The following FIBCD1 variants were observed in gnomAD, a reference collection of about 807,000 sequenced individuals.
FIBCD1 encodes fibrinogen C domain-containing protein 1.
Under a neutral mutation model 45.1 loss-of-function variants are expected in FIBCD1, and 47 were observed. That is an observed-to-expected ratio of 1.04 (90% CI 0.82 to 1.33). The LOEUF (loss-of-function observed/expected upper bound fraction) is 1.33. FIBCD1 is among the 40% of genes most tolerant of loss of function. FIBCD1 has a pLI of 0.00. For synonymous variants in FIBCD1, 313 were observed against 308.1 expected (o/e 1.02, Z -0.17); for missense variants, 653 against 682.2 (o/e 0.96, Z 0.48).
intron 5 of FIBCD1, among the ~76,000 whole-genome samples, chr9:130,906,866 TG>T: frequency 6.6e-6 from 1 of 152,216 alleles, no homozygotes; most frequent in Non-Finnish European, 1.5e-5. Flanking sequence ...CTGGCAGGGC[TG>T]GCCCGCTGCA....
rs1379562293 is a variant in FIBCD1 at position 130,905,376 on chromosome 9, G to A, written c.984C>T (p.Ala328=). ...CCTCCAGGTCCACGTGCAGCTCGTA[G>A]GCAGCCTGTGTGGTCAGGGCGTGGA... ...KRIHALTTQA[A]YELHVDLEDF... Residue 328 remains alanine (A), a synonymous_variant, in exon 6 of 7, where the codon GCC becomes GCT. Transcript: ENST00000372338. 1.2e-6 allele frequency: 2 copies of A among 1,613,888 alleles called. No homozygotes were observed. The highest frequency in any genetic ancestry group is 4.5e-5 in the East Asian group (2 of 44,884).
intron 1 of FIBCD1, among the ~76,000 whole-genome samples, chr9:130,937,445 G>A (rs773701960): frequency 3.9e-5 from 6 of 152,174 alleles, no homozygotes; most frequent in Non-Finnish European, 8.8e-5. Context: ...CCGATGAATG[G>A]GAAGGGGCTT....
intron 5 of FIBCD1, among the ~76,000 whole-genome samples, chr9:130,906,734 C>T (rs1370745707): frequency 6.6e-6 from 1 of 152,230 alleles, no homozygotes; most frequent in Non-Finnish European, 1.5e-5. Context: ...ATCATGACAA[C>T]AGCCGCCACC....
intron 5 of FIBCD1, among the ~76,000 whole-genome samples, chr9:130,907,944 A>G (rs1776800570): frequency 6.6e-6 from 1 of 151,352 alleles, no homozygotes; most frequent in Non-Finnish European, 1.5e-5. Flanking sequence ...AAGAAAAAAT[A>G]GAGGAGACTT....
chr9:130,907,078 G>A (rs905835365), intron 5 of FIBCD1, among the ~76,000 whole-genome samples: 2 of 152,202 alleles, frequency 1.3e-5, no homozygotes, highest in Non-Finnish European at 2.9e-5. Context: ...ACCTTACCCA[G>A]AACAAATCAG....
intron 1 of FIBCD1, among the ~76,000 whole-genome samples, chr9:130,931,705 G>C (rs986417262): frequency 1.3e-5 from 2 of 152,222 alleles, no homozygotes; most frequent in Admixed American, 6.5e-5. Context: ...ACACACAAGG[G>C]AAAACTGAGG....
intron 5 of FIBCD1, among the ~76,000 whole-genome samples, chr9:130,910,157 G>T (rs1317867705): frequency 6.6e-6 from 1 of 152,232 alleles, no homozygotes; most frequent in Non-Finnish European, 1.5e-5. Context: ...TGCGTGCGGC[G>T]CTTGCGGGCC....
chr9:130,912,865 C>T (rs1317813676), intron 4 of FIBCD1, among the ~76,000 whole-genome samples: 1 of 152,022 alleles, frequency 6.6e-6, no homozygotes, highest in Non-Finnish European at 1.5e-5. Context: ...GTCTATCCTC[C>T]AGTTTTTAAG....
intron 4 of FIBCD1, among the ~76,000 whole-genome samples, chr9:130,915,626 C>A (rs1294035461): frequency 6.6e-6 from 1 of 152,136 alleles, no homozygotes; most frequent in Non-Finnish European, 1.5e-5. Flanking sequence ...TCACTTGAAC[C>A]CAGGAGGCGT....
intron 2 of FIBCD1, among the ~76,000 whole-genome samples, chr9:130,928,999 C>A (rs995495875): frequency 1.3e-5 from 2 of 151,610 alleles, no homozygotes; most frequent in Non-Finnish European, 2.9e-5. Context: ...TGGAGCCTGG[C>A]TTGGCTGGGG....
intron 4 of FIBCD1, 30 bp from the exon 5 acceptor site, chr9:130,911,918 G>A (rs762983731): frequency 7.1e-6 from 11 of 1,544,524 alleles, no homozygotes; most frequent in Non-Finnish European, 9.6e-6. Context: ...ATGGGGCGTT[G>A]GCACCGACCA....
At chr9:130,939,970 C>G (rs1832594108), upstream of FIBCD1, among the ~76,000 whole-genome samples, 1 of 152,038 alleles carries the variant, frequency 6.6e-6, no homozygotes, top group Non-Finnish European at 1.5e-5. Context: ...TTCTGCGTCC[C>G]CATCTTTTTC....
chr9:130,904,243 C>T lies in FIBCD1; in HGVS notation c.1207G>A (p.Ala403Thr), dbSNP rs1019642247. The T allele has an allele frequency of 9.9e-6, 16 of 1,613,644 alleles. No individual in the cohort carries two copies. Among genetic ancestry groups the T allele is most frequent in the Middle Eastern group, 1.6e-4 (1 of 6,084 alleles). Residue 403 changes from alanine (A) to threonine (T), a missense_variant, in exon 7 of 7, where the codon GCC (alanine) becomes ACC (threonine). By Grantham distance (58) the Ala-to-Thr change is moderately conservative (BLOSUM62 0). Coordinates refer to ENST00000372338, the MANE Select transcript of FIBCD1 (RefSeq NM_032843.5). ...DSDHSENNCA[A>T]FYRGAWWYRN... is the part of the protein sequence containing the mutation. ...TACCACCAGGCACCGCGGTAGAAGG[C>T]GGCACAGTTGTTCTCTGAATGGTCG... is the stretch of plus-strand genomic sequence containing the variant.
At chr9:130,931,327 G>T (rs1431475743) in intron 1 of FIBCD1, among the ~76,000 whole-genome samples, 2 of 152,168 alleles carry the variant, frequency 1.3e-5, no homozygotes, top group Admixed American at 6.5e-5. Flanking sequence ...GGCCAACAAG[G>T]TGAAACCCCA....
At position 130,933,138 on chromosome 9, in the gene FIBCD1, C is replaced by T. The variant is rs1250032180; in HGVS notation, c.73-3092G>A. Among the ~76,000 whole-genome samples the T allele has an allele frequency of 6.6e-5, 10 of 152,292 alleles. No homozygotes were observed. The East Asian group carries it at 1.5e-3, about 23-fold the overall frequency. ...GGGTCCCCTAGAGGCAGGGGGACAG[C>T]GGAGCTTGGAGATGAAACAGGGCAC... On this transcript the variant is annotated intron_variant, in intron 1 of 6. Transcript: ENST00000372338.
intron 3 of FIBCD1, 23 bp from the exon 4 acceptor site, chr9:130,923,903 G>T: frequency 6.2e-7 from 1 of 1,611,566 alleles, no homozygotes; most frequent in Non-Finnish European, 8.5e-7. Flanking sequence ...AGGCTGTCAG[G>T]GTGGCTGCGG....
In FIBCD1 at chr9:130,920,723, C is replaced by T. The variant is rs951969461; in HGVS notation, c.849+3021G>A. On this transcript the variant is annotated intron_variant, in intron 4 of 6. Coordinates refer to ENST00000372338, the MANE Select transcript of FIBCD1 (RefSeq NM_032843.5). ...AGATAGGCCAGTAGCACCAAGCCAC[C>T]GTGGCCCCCAAACAAGCCATACCGT... 3.9e-5 allele frequency among the ~76,000 whole-genome samples: 6 copies of T among 152,206 alleles called. No homozygotes were observed. The East Asian group carries it at 7.7e-4, about 20-fold the overall frequency.
Position 130,916,381 on chromosome 9 carries a change from G to C in FIBCD1, c.850-4493C>G, listed in dbSNP as rs61249287. Among the ~76,000 whole-genome samples the C allele has an allele frequency of 1.8e-3, 280 of 152,336 alleles. 3 individuals carry two copies. The highest frequency in any genetic ancestry group is 6.6e-3 in the African/African-American group (273 of 41,578). On this transcript the variant is annotated intron_variant, in intron 4 of 6. Transcript: ENST00000372338. ...GACAGCCTTTGCCACGGGCTGTCCT[G>C]ATTTCTTGGTTCACACCCCAAGTGA... is the stretch of plus-strand genomic sequence containing the variant.
At chr9:130,930,809 G>A (rs1832437684) in intron 1 of FIBCD1, 1 of 456,068 alleles carries the variant, frequency 2.2e-6, no homozygotes, top group African/African-American at 2.0e-5. Flanking sequence ...GTAAAACAGA[G>A]CAATATAGAG....
Sources: allele counts gnomAD v4.1 joint callset (sites outside exome capture counted in the v4.1 genomes callset), GRCh38; gene constraint gnomAD v4.1.1; transcripts MANE v1.5; gene names NCBI Gene and HGNC (gene_info 2026-07-23, HGNC 2026-07-21).